Variants in UGT1A10 observed in about 807,000 individuals in gnomAD.
The protein encoded by UGT1A10 is UDP glucuronosyltransferase family 1 member A10.
In UGT1A10, 49 loss-of-function variants were observed where a neutral mutation model predicts 45.8. The observed-to-expected ratio is 1.07, with a 90% CI of 0.85 to 1.36. The LOEUF is 1.36. UGT1A10 is among the 40% of genes most tolerant of loss of function. UGT1A10 has a pLI of 0.00. For missense variants in UGT1A10, 745 were observed against 668.6 expected, an observed-to-expected ratio of 1.11 and a Z score of -1.26; for synonymous variants, 284 against 249.7, an observed-to-expected ratio of 1.14 and a Z score of -1.29.
intron 1 of UGT1A10, among the ~76,000 whole-genome samples, chr2:233,728,411 T>C (rs945344211): frequency 6.6e-6 from 1 of 152,174 alleles, no homozygotes; most frequent in African/African-American, 2.4e-5. Context: ...GTGCTTTAGA[T>C]AGCAGCACCT....
At chr2:233,695,048 C>T (rs1442838675) in intron 1 of UGT1A10, among the ~76,000 whole-genome samples, 2 of 152,134 alleles carry the variant, frequency 1.3e-5, no homozygotes, top group African/African-American at 2.4e-5. Context: ...TAACCATAGT[C>T]ACCCTACTGT....
At chr2:233,712,851 A>G in intron 1 of UGT1A10, 1 of 1,539,628 alleles carries the variant, frequency 6.5e-7, no homozygotes, top group East Asian at 2.4e-5. Context: ...ACGGGTAATA[A>G]GTAACTGGAG....
chr2:233,718,656 C>T, intron 1 of UGT1A10: 1 of 1,519,542 alleles, frequency 6.6e-7, no homozygotes, highest in Non-Finnish European at 8.8e-7. Flanking sequence ...TAACGAAAGG[C>T]AGTTATAGAT....
chr2:233,713,984 G>A, intron 1 of UGT1A10: 1 of 1,586,010 alleles, frequency 6.3e-7, no homozygotes. Context: ...TCTCATTGTT[G>A]TAATAGTCTT....
chr2:233,682,979 T>C (rs1485999799), intron 1 of UGT1A10, among the ~76,000 whole-genome samples: 1 of 152,218 alleles, frequency 6.6e-6, no homozygotes, highest in African/African-American at 2.4e-5. Flanking sequence ...CTTGTTGATA[T>C]GTAAGTGTAT....
At chr2:233,664,291 ACT>A (rs1399441125) in intron 1 of UGT1A10, among the ~76,000 whole-genome samples, 1 of 151,668 alleles carries the variant, frequency 6.6e-6, no homozygotes, top group Non-Finnish European at 1.5e-5. Flanking sequence ...AGCCCTCCAA[ACT>A]CTTCAAACGT....
At chr2:233,712,980 G>T (rs1266934169) in intron 1 of UGT1A10, 4 of 1,613,154 alleles carry the variant, frequency 2.5e-6, no homozygotes, top group Non-Finnish European at 3.4e-6. Context: ...GCTGTCGGTG[G>T]CTTCTGCTGA....
At chr2:233,701,960 C>G (rs542738545) in intron 1 of UGT1A10, among the ~76,000 whole-genome samples, 1 of 151,922 alleles carries the variant, frequency 6.6e-6, no homozygotes, top group Non-Finnish European at 1.5e-5. Flanking sequence ...CAAACACATT[C>G]AAAAGCTAGT....
rs1357071651 is a variant in UGT1A10, at chr2:233,768,553, A to G, written c.1295+114A>G. The G allele has an allele frequency of 2.0e-6, 3 of 1,477,264 alleles. No individual in the cohort carries two copies. The Admixed American group carries it at 8.1e-5, about 40-fold the overall frequency. 91.5% of individuals were successfully genotyped at this position (1,477,264 alleles called of 1,614,324 possible). A position where few individuals can be genotyped will look rare whatever the true frequency, so the allele number is the denominator to read the frequency against. On this transcript the variant is annotated intron_variant, in intron 4 of 4. Coordinates refer to ENST00000344644, the MANE Select transcript of UGT1A10 (RefSeq NM_019075.4). ...AGCGTTGTTTCAAATATAAAAACAA[A>G]TACATAAAAATCTGGATTTTTATTT...
At chr2:233,707,760 G>C (rs2075985712) in intron 1 of UGT1A10, among the ~76,000 whole-genome samples, 1 of 152,188 alleles carries the variant, frequency 6.6e-6, no homozygotes, top group Non-Finnish European at 1.5e-5. Context: ...AAACACATGT[G>C]AGTGGGTTTT....
chr2:233,692,938 C>A (rs770236705), intron 1 of UGT1A10: 46 of 1,592,260 alleles, frequency 2.9e-5, no homozygotes, highest in Non-Finnish European at 3.6e-5. Context: ...AGGGAAAATA[C>A]CTAGGAGCCC....
intron 1 of UGT1A10, among the ~76,000 whole-genome samples, chr2:233,734,364 G>A (rs1194313083): frequency 6.6e-6 from 1 of 152,040 alleles, no homozygotes; most frequent in East Asian, 1.9e-4. Context: ...TGGGATCGGT[G>A]GTGATATTGC....
intron 1 of UGT1A10, chr2:233,755,452 C>G (rs1440747230): frequency 1.3e-5 from 4 of 306,254 alleles, no homozygotes; most frequent in Non-Finnish European, 2.6e-5. Context: ...GCTCCTGGGA[C>G]TGGCCCTGCT....
chr2:233,672,403 G>A (rs2074225648), intron 1 of UGT1A10: 1 of 1,613,980 alleles, frequency 6.2e-7, no homozygotes, highest in East Asian at 2.2e-5. Flanking sequence ...TGGCTTAATT[G>A]TTGCCAAATA....
chr2:233,670,424 C>T (rs1022203029), intron 1 of UGT1A10, among the ~76,000 whole-genome samples: 3 of 152,182 alleles, frequency 2.0e-5, no homozygotes, highest in African/African-American at 7.2e-5. Context: ...AGTACTAGTC[C>T]TTCTTCCCCA....
chr2:233,724,305 C>G (rs2077214649), intron 1 of UGT1A10, among the ~76,000 whole-genome samples: 3 of 147,406 alleles, frequency 2.0e-5, no homozygotes, highest in Admixed American at 6.7e-5. Context: ...CCCCACCTCC[C>G]TCCCGGACGG....
At chr2:233,681,827 A>G (rs1001942389) in intron 1 of UGT1A10, 9 of 1,503,156 alleles carry the variant, frequency 6.0e-6, no homozygotes, top group Non-Finnish European at 7.1e-6. Flanking sequence ...TTTTAAATGA[A>G]TGAATAAGTA....
In UGT1A10 at chr2:233,772,298, C is replaced by G; in HGVS notation, c.1332C>G (p.His444Gln). ...KENIMRLSSL[H>Q]KDRPVEPLDL... ...ACATCATGCGCCTCTCCAGCCTTCACAAGGACCGCCCGGTGGAGCCGCTGG... is the reference window on the plus strand; with the variant it reads ...ACATCATGCGCCTCTCCAGCCTTCAGAAGGACCGCCCGGTGGAGCCGCTGG... The change falls in exon 5 of 5, where the codon CAC becomes CAG. Residue 444 changes from histidine (H) to glutamine (Q), a missense_variant. By Grantham distance (24) the His-to-Gln change is conservative. Coordinates refer to ENST00000344644, the MANE Select transcript of UGT1A10 (RefSeq NM_019075.4). The G allele has an allele frequency of 1.9e-6, 3 of 1,614,234 alleles. No homozygotes were observed. The highest frequency in any genetic ancestry group is 8.5e-7 in the Non-Finnish European group (1 of 1,180,048).
rs546602425 is a variant in UGT1A10 at position 233,657,877 on chromosome 2, T to C, written c.855+20500T>C. On this transcript the variant is annotated intron_variant, in intron 1 of 4. Coordinates refer to ENST00000344644, the MANE Select transcript of UGT1A10 (RefSeq NM_019075.4). ...TTCATTATTGAGGTTTAAAAGTTATTTATATATTCTGGATATTTATACTTT... is the reference window on the plus strand; with the variant it reads ...TTCATTATTGAGGTTTAAAAGTTATCTATATATTCTGGATATTTATACTTT... 5.3e-5 allele frequency among the ~76,000 whole-genome samples: 8 copies of C among 152,300 alleles called. No individual in the cohort carries two copies. The East Asian group carries it at 1.5e-3, about 29-fold the overall frequency.
Sources: allele counts gnomAD v4.1 joint callset (sites outside exome capture counted in the v4.1 genomes callset), GRCh38; gene constraint gnomAD v4.1.1; transcripts MANE v1.5; gene names NCBI Gene and HGNC (gene_info 2026-07-23, HGNC 2026-07-21).